MRTFB: variants seen among roughly 807,000 people sequenced by gnomAD.
MRTFB encodes the protein myocardin related transcription factor B.
A neutral mutation model predicts 104.2 loss-of-function variants in MRTFB; 29 were observed. The ratio of observed to expected loss-of-function variants is 0.28; its 90% CI spans 0.21 to 0.38. MRTFB has a LOEUF of 0.38. Among genes scored for constraint, MRTFB ranks in the 10% least tolerant of loss-of-function variants. The pLI is 1.00. For synonymous variants in MRTFB, 535 were observed against 519.5 expected, an observed-to-expected ratio of 1.03 and a Z score of -0.41; for missense variants, 1,270 against 1,341.6, an observed-to-expected ratio of 0.95 and a Z score of 0.83.
chr16:14,064,441 T>C, the MRTFB span, among the ~76,000 whole-genome samples: 1 of 152,254 alleles, frequency 6.6e-6, no homozygotes, highest in East Asian at 1.9e-4. Context: ...TGTTGATAGT[T>C]TCTTATGCTG....
intron 10 of MRTFB, among the ~76,000 whole-genome samples, chr16:14,243,012 A>C (rs1355986453): frequency 6.6e-6 from 1 of 152,202 alleles, no homozygotes; most frequent in Non-Finnish European, 1.5e-5. Context: ...CACATGCTTT[A>C]TCTCTGTGGT....
At chr16:14,202,998 C>T (rs1240782861) in intron 3 of MRTFB, among the ~76,000 whole-genome samples, 1 of 152,160 alleles carries the variant, frequency 6.6e-6, no homozygotes, top group African/African-American at 2.4e-5. Flanking sequence ...ACTACCCTGA[C>T]ATCTGTTTGA....
At chr16:14,170,927 A>G (rs559039763) in intron 3 of MRTFB, among the ~76,000 whole-genome samples, 2 of 152,164 alleles carry the variant, frequency 1.3e-5, no homozygotes, top group Non-Finnish European at 2.9e-5. Context: ...TCTACTTTTA[A>G]AAAAAGTTTT....
the MRTFB span, among the ~76,000 whole-genome samples, chr16:14,026,531 A>T: frequency 6.6e-6 from 1 of 152,228 alleles, no homozygotes; most frequent in South Asian, 2.1e-4. Context: ...CAATCCGTAA[A>T]GAAAAAATTC....
intron 2 of MRTFB, among the ~76,000 whole-genome samples, chr16:14,095,886 T>C (rs1038927640): frequency 1.3e-5 from 2 of 151,614 alleles, no homozygotes; most frequent in Non-Finnish European, 2.9e-5. Flanking sequence ...GAATGCACTA[T>C]TTACAACAGT....
chr16:14,110,130 T>G (rs2036195565), intron 2 of MRTFB, among the ~76,000 whole-genome samples: 1 of 152,224 alleles, frequency 6.6e-6, no homozygotes, highest in South Asian at 2.1e-4. Flanking sequence ...TCTGGAGAAG[T>G]CTCAAAGTCT....
intron 3 of MRTFB, among the ~76,000 whole-genome samples, chr16:14,195,908 C>T (rs1209197896): frequency 2.0e-5 from 3 of 152,192 alleles, no homozygotes; most frequent in Admixed American, 1.3e-4. Context: ...CATGATCTCA[C>T]AGGTTAAAAA....
the MRTFB span, among the ~76,000 whole-genome samples, chr16:14,024,954 G>C: frequency 6.6e-6 from 1 of 152,162 alleles, no homozygotes; most frequent in Non-Finnish European, 1.5e-5. Flanking sequence ...TTGAACTCAG[G>C]CAGTTTGATT....
intron 2 of MRTFB, among the ~76,000 whole-genome samples, chr16:14,138,685 C>T (rs970914096): frequency 6.6e-6 from 1 of 152,212 alleles, no homozygotes; most frequent in Non-Finnish European, 1.5e-5. Context: ...CAGCCAGAGA[C>T]TTGGAGCACA....
intron 2 of MRTFB, among the ~76,000 whole-genome samples, chr16:14,094,032 A>C (rs569918136): frequency 1.3e-5 from 2 of 152,328 alleles, no homozygotes; most frequent in South Asian, 4.1e-4. Context: ...GTGTCATTCA[A>C]AGTGGAGAAA....
At chr16:14,138,308 C>G (rs2037826472) in intron 2 of MRTFB, among the ~76,000 whole-genome samples, 2 of 152,020 alleles carry the variant, frequency 1.3e-5, no homozygotes, top group African/African-American at 4.8e-5. Flanking sequence ...GTTTTTTTAT[C>G]TACATGTTTA....
chr16:14,147,182 A>G (rs2038360192), intron 3 of MRTFB, among the ~76,000 whole-genome samples: 1 of 152,238 alleles, frequency 6.6e-6, no homozygotes, highest in Non-Finnish European at 1.5e-5. Context: ...GAAAAGAAGT[A>G]TATACTCTGT....
intron 2 of MRTFB, 46 bp from the exon 3 acceptor site, chr16:14,140,498 A>G: frequency 1.5e-6 from 2 of 1,378,652 alleles, no homozygotes; most frequent in Non-Finnish European, 2.0e-6. Context: ...TGCAAATTGG[A>G]GAAACATAAC....
chr16:14,245,343 C>T (rs2042966687), intron 10 of MRTFB, among the ~76,000 whole-genome samples, 185 bp from the exon 11 acceptor site: 1 of 152,138 alleles, frequency 6.6e-6, no homozygotes, highest in Non-Finnish European at 1.5e-5. Flanking sequence ...GTCACGCTAG[C>T]AAACAAACAA....
At chr16:14,222,200 T>G (rs2041757004) in intron 8 of MRTFB, among the ~76,000 whole-genome samples, 1 of 152,186 alleles carries the variant, frequency 6.6e-6, no homozygotes, top group Non-Finnish European at 1.5e-5. Flanking sequence ...CAGACCATAC[T>G]TTGAGTGAAA....
the MRTFB span, among the ~76,000 whole-genome samples, chr16:14,002,814 A>G: frequency 1.3e-5 from 2 of 152,304 alleles, no homozygotes; most frequent in East Asian, 3.9e-4. Context: ...GGCTGGAAAG[A>G]ATTTCCTCTT....
chr16:14,124,555 G>A (rs1217838587), intron 2 of MRTFB, among the ~76,000 whole-genome samples: 3 of 151,972 alleles, frequency 2.0e-5, no homozygotes, highest in African/African-American at 7.3e-5. Flanking sequence ...CTGTTTATAT[G>A]ATGGATTACG....
chr16:14,060,247 T>A, the MRTFB span, among the ~76,000 whole-genome samples: 3 of 151,978 alleles, frequency 2.0e-5, no homozygotes, highest in Admixed American at 6.6e-5. Flanking sequence ...CCTCAAGTGA[T>A]CTGCCCGCCT....
chr16:14,140,971 A>C, intron 3 of MRTFB: 2 of 523,176 alleles, frequency 3.8e-6, no homozygotes, highest in Non-Finnish European at 6.8e-6. Context: ...TATCTTTGGT[A>C]GTGACGTTAC....
Sources: allele counts gnomAD v4.1 joint callset (sites outside exome capture counted in the v4.1 genomes callset), GRCh38; gene constraint gnomAD v4.1.1; transcripts MANE v1.5; gene names NCBI Gene and HGNC (gene_info 2026-07-23, HGNC 2026-07-21).